Variants in PEBP1 observed in about 807,000 individuals in gnomAD.
PEBP1 encodes the protein phosphatidylethanolamine-binding protein 1.
In PEBP1, 17 loss-of-function variants were observed where a neutral mutation model predicts 22.7. The observed-to-expected ratio is 0.75, with a 90% confidence interval of 0.51 to 1.12. The LOEUF (loss-of-function observed/expected upper bound fraction) is 1.12, where lower values mean the gene tolerates loss of function less well. Ranked by LOEUF, PEBP1 falls within the 50% of genes most tolerant of loss-of-function variation. The pLI is 0.00. For synonymous variants in PEBP1, 106 were observed against 104.3 expected, an observed-to-expected ratio of 1.02 and a Z score of -0.10; for missense variants, 205 against 243.5, an observed-to-expected ratio of 0.84 and a Z score of 1.05.
At position 118,144,615 on chromosome 12, in the gene PEBP1, G is replaced by C. The variant is rs768309207; in HGVS notation, c.376G>C (p.Glu126Gln). ...GLHRYVWLVY[E>Q]QDRPLKCDEP... Reference sequence around the variant, plus strand: ...CCACCGCTATGTCTGGCTGGTTTACGAGCAGGACAGGCCGCTAAAGTGTGA... The same window carrying C: ...CCACCGCTATGTCTGGCTGGTTTACCAGCAGGACAGGCCGCTAAAGTGTGA... Residue 126 changes from glutamate to glutamine, a missense_variant, in exon 4 of 4, where the codon GAG (glutamate) becomes CAG (glutamine). Physicochemically the swap from Glu to Gln is conservative, Grantham distance 29. Coordinates refer to ENST00000261313, the MANE Select transcript of PEBP1 (RefSeq NM_002567.4). 6.2e-7 allele frequency: 1 copy of C among 1,613,744 alleles called. No homozygotes were observed. The highest frequency in any genetic ancestry group is 8.5e-7 in the Non-Finnish European group (1 of 1,179,912).
chr12:118,142,826 CTTTTTTTTTTTT>C (rs374392598), intron 3 of PEBP1, among the ~76,000 whole-genome samples: 43,973 of 92,948 alleles, frequency 0.47, 8,814 homozygotes, highest in South Asian at 0.55. Context: ...ACTACATTCA[CTTTTTTTTTTTT>C]TTTTTTTTTT....
At position 118,136,430 on chromosome 12, in the gene PEBP1, C is replaced by T; in HGVS notation, c.135+86C>T. ...GGGTGGGACCCAGCGGAGACAGGGC[C>T]AGGGGCGGTGGGGAGGTTCAGCCTG... On this transcript the variant is annotated intron_variant, in intron 1 of 3. Coordinates refer to ENST00000261313, the MANE Select transcript of PEBP1 (RefSeq NM_002567.4). This position sits in a 1 kb window ranked among gnomAD's most constrained non-coding sequence, Gnocchi z 5.6. 2.1e-6 allele frequency: 3 copies of T among 1,425,476 alleles called. No individual in the cohort carries two copies. The highest frequency in any genetic ancestry group is 2.8e-6 in the Non-Finnish European group (3 of 1,082,148). 88.3% of individuals were successfully genotyped at this position (1,425,476 alleles called of 1,614,324 possible).
chr12:118,136,402 C>A lies in PEBP1; in HGVS notation c.135+58C>A. On this transcript the variant is annotated intron_variant, in intron 1 of 3. Transcript: ENST00000261313. This position sits in a 1 kb window ranked among gnomAD's most constrained non-coding sequence, Gnocchi z 5.6. ...ACGGCGCGGAGGCCTGTGCCGGCCT[C>A]CTGGGTGGGACCCAGCGGAGACAGG... is the stretch of plus-strand genomic sequence containing the variant. The A allele has an allele frequency of 6.7e-7, 1 of 1,499,830 alleles. No homozygotes were observed. The highest frequency in any genetic ancestry group is 2.5e-5 in the East Asian group (1 of 39,822). The allele number at this position is 1,499,830 out of a possible 1,614,324, so 92.9% of individuals were successfully genotyped here. A position where few individuals can be genotyped will look rare whatever the true frequency, so the allele number is the denominator to read the frequency against.
chr12:118,140,700 G>A (rs2034106519), intron 3 of PEBP1, among the ~76,000 whole-genome samples: 2 of 152,042 alleles, frequency 1.3e-5, no homozygotes, highest in South Asian at 4.1e-4. Flanking sequence ...CACCATGCCT[G>A]GCTAATTTTA....
At chr12:118,143,334 G>T (rs925166770) in intron 3 of PEBP1, among the ~76,000 whole-genome samples, 2 of 152,124 alleles carry the variant, frequency 1.3e-5, no homozygotes, top group African/African-American at 2.4e-5. Flanking sequence ...TATTTGTCTT[G>T]CGACTGGCTA....
intron 1 of PEBP1, among the ~76,000 whole-genome samples, chr12:118,137,710 CAG>C (rs1163050971): frequency 3.9e-5 from 6 of 152,080 alleles, no homozygotes; most frequent in Admixed American, 6.6e-5. Context: ...GTTTTTGAGA[CAG>C]AGTCTCACTC....
intron 3 of PEBP1, among the ~76,000 whole-genome samples, chr12:118,143,796 T>A (rs1353303436): frequency 6.6e-6 from 1 of 150,958 alleles, no homozygotes; most frequent in East Asian, 2.0e-4. Flanking sequence ...TCCTAGCTAC[T>A]CAGGAGGCTG....
intron 3 of PEBP1, among the ~76,000 whole-genome samples, chr12:118,142,592 T>A (rs1437084654): frequency 6.6e-6 from 1 of 152,094 alleles, no homozygotes; most frequent in South Asian, 2.1e-4. Context: ...TCCTCCCACC[T>A]CAGCCTCCTG....
chr12:118,144,526 T>G (rs2034139224), intron 3 of PEBP1, 60 bp from the exon 4 acceptor site: 63 of 1,488,034 alleles, frequency 4.2e-5, no homozygotes, highest in Non-Finnish European at 5.2e-5. Context: ...TAAAAATGGA[T>G]GATGTCCCCA....
At position 118,136,180 on chromosome 12, in the gene PEBP1, TC is replaced by T. The variant is rs2034054772; in HGVS notation, c.-27del. On this transcript the variant is annotated 5_prime_UTR_variant, in exon 1 of 4. Coordinates refer to ENST00000261313, the MANE Select transcript of PEBP1 (RefSeq NM_002567.4). This position sits in a 1 kb window ranked among gnomAD's most constrained non-coding sequence, Gnocchi z 5.6. ...GCCCGCGCCTGGCCTACCGCGGCAC[TC>T]CCGGCTGCACGCTCTGCTTGGCCTC... 2.6e-6 allele frequency: 4 copies of T among 1,540,440 alleles called. No individual in the cohort carries two copies. The highest frequency in any genetic ancestry group is 3.5e-6 in the Non-Finnish European group (4 of 1,145,776).
rs757906364 is a variant in PEBP1 at position 118,145,255 on chromosome 12, G to A, written c.*452G>A. The A allele has an allele frequency of 5.9e-6, 2 of 338,414 alleles. No homozygotes were observed. Among genetic ancestry groups the A allele is most frequent in the Non-Finnish European group, 1.1e-5 (2 of 176,948 alleles). The allele number at this position is 338,414 out of a possible 1,614,324, so 21.0% of individuals were successfully genotyped here. A position where few individuals can be genotyped will look rare whatever the true frequency, so the allele number is the denominator to read the frequency against. ...GTACACAATGTGATTTTATGGTGAT[G>A]TCACTCACCTAGACAACCAGAGGCT... is the stretch of plus-strand genomic sequence containing the variant. On this transcript the variant is annotated 3_prime_UTR_variant, in exon 4 of 4. Transcript: ENST00000261313.
Position 118,136,412 on chromosome 12 carries a change from AC to A in PEBP1, c.135+71del. On this transcript the variant is annotated intron_variant, in intron 1 of 3. Coordinates refer to ENST00000261313, the MANE Select transcript of PEBP1 (RefSeq NM_002567.4). The surrounding 1 kb of genome is among the most constrained non-coding windows in gnomAD (Gnocchi z 5.6). ...GGCCTGTGCCGGCCTCCTGGGTGGGACCCAGCGGAGACAGGGCCAGGGGCGG... is the reference window on the plus strand; with the variant it reads ...GGCCTGTGCCGGCCTCCTGGGTGGGACCAGCGGAGACAGGGCCAGGGGCGG... 6.8e-7 allele frequency: 1 copy of A among 1,477,588 alleles called. No homozygotes were observed. The highest frequency in any genetic ancestry group is 8.9e-7 in the Non-Finnish European group (1 of 1,119,320). 91.5% of individuals were successfully genotyped at this position (1,477,588 alleles called of 1,614,324 possible). A position where few individuals can be genotyped will look rare whatever the true frequency, so the allele number is the denominator to read the frequency against.
chr12:118,140,906 A>T (rs938632834), intron 3 of PEBP1, among the ~76,000 whole-genome samples: 1 of 152,250 alleles, frequency 6.6e-6, no homozygotes, highest in African/African-American at 2.4e-5. Context: ...ATATTCTTGT[A>T]ATATGGTATA....
chr12:118,139,725 G>A (rs1212181868), intron 3 of PEBP1, among the ~76,000 whole-genome samples, 174 bp downstream of exon 3: 1 of 152,188 alleles, frequency 6.6e-6, no homozygotes, highest in Non-Finnish European at 1.5e-5. Flanking sequence ...GTGTCAGGTG[G>A]CTAGAGCCTT....
Position 118,141,194 on chromosome 12 carries a change from A to G in PEBP1, c.346+1643A>G, listed in dbSNP as rs187868073. On this transcript the variant is annotated intron_variant, in intron 3 of 3. Transcript: ENST00000261313. ...TGCAATGGCGTGATCTCGGCTCACT[A>G]CAACCTCTACCTCCTGTGTTCAAAT... 3.5e-4 allele frequency among the ~76,000 whole-genome samples: 53 copies of G among 151,026 alleles called. 1 individual carries two copies. Among genetic ancestry groups the G allele is most frequent in the African/African-American group, 9.2e-4 (38 of 41,094 alleles).
chr12:118,136,183 C>G lies in PEBP1; in HGVS notation c.-27C>G, dbSNP rs767503244. On this transcript the variant is annotated 5_prime_UTR_variant, in exon 1 of 4. Coordinates refer to ENST00000261313, the MANE Select transcript of PEBP1 (RefSeq NM_002567.4). The surrounding 1 kb of genome is among the most constrained non-coding windows in gnomAD (Gnocchi z 5.6). The stretch of plus-strand genomic sequence containing the variant: ...CGCGCCTGGCCTACCGCGGCACTCC[C>G]GGCTGCACGCTCTGCTTGGCCTCGC... 1.9e-6 allele frequency: 3 copies of G among 1,541,650 alleles called. No individual in the cohort carries two copies. In the South Asian group the frequency reaches 3.6e-5, roughly 18 times the overall value.
rs1487598289 is a variant in PEBP1, at chr12:118,138,091, T to C, written c.188T>C (p.Leu63Pro). Residue 63 changes from leucine to proline, a missense_variant, in exon 2 of 4, where the codon CTC becomes CCC. Coordinates refer to ENST00000261313, the MANE Select transcript of PEBP1 (RefSeq NM_002567.4). ...TGGGATGGTCTTGATTCAGGGAAGCTCTACACCTTGGTCCTGACAGACCCG... is the reference window on the plus strand; with the variant it reads ...TGGGATGGTCTTGATTCAGGGAAGCCCTACACCTTGGTCCTGACAGACCCG... ...ISWDGLDSGK[L>P]YTLVLTDPDA... 1 of 1,613,998 alleles carries C rather than the reference T, an allele frequency of 6.2e-7. No homozygotes were observed. The highest frequency in any genetic ancestry group is 8.5e-7 in the Non-Finnish European group (1 of 1,179,960).
In PEBP1 at chr12:118,138,096, A is replaced by G; in HGVS notation, c.193A>G (p.Thr65Ala). 1.9e-6 allele frequency: 3 copies of G among 1,613,982 alleles called. No homozygotes were observed. The highest frequency in any genetic ancestry group is 2.5e-6 in the Non-Finnish European group (3 of 1,179,950). The change falls in exon 2 of 4, where the codon ACC becomes GCC. Residue 65 changes from threonine (T) to alanine (A), a missense_variant. Coordinates refer to ENST00000261313, the MANE Select transcript of PEBP1 (RefSeq NM_002567.4). ...TGGTCTTGATTCAGGGAAGCTCTAC[A>G]CCTTGGTCCTGACAGACCCGGATGC... ...WDGLDSGKLYTLVLTDPDAPS... is the reference protein window; with the variant it reads ...WDGLDSGKLYALVLTDPDAPS...
intron 2 of PEBP1, chr12:118,139,238 G>C (rs2034093230): frequency 2.5e-6 from 1 of 406,380 alleles, no homozygotes; most frequent in African/African-American, 2.1e-5. Flanking sequence ...CTTGAGCCCA[G>C]GAGGAGGAGC....
Sources: allele counts gnomAD v4.1 joint callset (sites outside exome capture counted in the v4.1 genomes callset), GRCh38; gene constraint gnomAD v4.1.1; non-coding constraint Gnocchi (gnomAD v3.1); transcripts MANE v1.5; gene names NCBI Gene and HGNC (gene_info 2026-07-23, HGNC 2026-07-21).